The following ACOT7 variants were observed in gnomAD, a reference collection of about 807,000 sequenced individuals.
ACOT7 encodes the protein acyl-CoA thioesterase 7.
A neutral mutation model predicts 40.2 loss-of-function variants in ACOT7; 12 were observed. That is an observed-to-expected ratio of 0.30 (90% confidence interval 0.19 to 0.48). The LOEUF is 0.48. Among genes scored for constraint, ACOT7 ranks in the 20% least tolerant of loss-of-function variants. ACOT7 has a pLI of 0.99. For synonymous variants in ACOT7, 228 were observed against 219.5 expected (o/e 1.04, Z -0.34); for missense variants, 395 against 530.8 (o/e 0.74, Z 2.51).
Position 6,359,051 on chromosome 1 carries a change from T to A in ACOT7, c.144-9185A>T. 5.9e-6 allele frequency: 4 copies of A among 676,476 alleles called. No homozygotes were observed. Among genetic ancestry groups the A allele is most frequent in the Non-Finnish European group, 9.3e-6 (4 of 429,044 alleles). 41.9% of individuals were successfully genotyped at this position (676,476 alleles called of 1,614,324 possible). The stretch of plus-strand genomic sequence containing the variant: ...ATCCAGAGCGTCTACCAGAAACCGG[T>A]CGTCATGGAAACCTTGCTTTATAAA... On this transcript the variant is annotated intron_variant, in intron 1 of 8. Coordinates refer to ENST00000361521, the MANE Select transcript of ACOT7 (RefSeq NM_007274.4). The surrounding 1 kb of genome is among the most constrained non-coding windows in gnomAD (Gnocchi z 4.1).
chr1:6,275,862 C>G lies in ACOT7; in HGVS notation c.1014+5240G>C, dbSNP rs1424162448. On this transcript the variant is annotated intron_variant, in intron 8 of 8. Coordinates refer to ENST00000361521, the MANE Select transcript of ACOT7 (RefSeq NM_007274.4). This position sits in a 1 kb window ranked among gnomAD's most constrained non-coding sequence, Gnocchi z 5.6. ...TCGGGAGATGTGTGTTCATGAGCAC[C>G]AGAGAGACCCTCTGGGATGGGCTCC... 6.6e-6 allele frequency among the ~76,000 whole-genome samples: 1 copy of G among 152,138 alleles called. No individual in the cohort carries two copies. Among genetic ancestry groups the G allele is most frequent in the African/African-American group, 2.4e-5 (1 of 41,422 alleles).
chr1:6,377,748 A>T (rs1347922546), intron 1 of ACOT7, among the ~76,000 whole-genome samples: 1 of 152,188 alleles, frequency 6.6e-6, no homozygotes, highest in Non-Finnish European at 1.5e-5. Context: ...AACAGCAAAG[A>T]AACACACAAA....
At chr1:6,389,000 C>CA (rs1172305348) in intron 1 of ACOT7, among the ~76,000 whole-genome samples, 1 of 150,940 alleles carries the variant, frequency 6.6e-6, no homozygotes, top group African/African-American at 2.4e-5. Context: ...GAGATCGCGC[C>CA]ACTGCACTCC....
At chr1:6,351,270 G>T (rs1485362911) in intron 1 of ACOT7, among the ~76,000 whole-genome samples, 6 of 152,224 alleles carry the variant, frequency 3.9e-5, no homozygotes, top group African/African-American at 1.4e-4. Flanking sequence ...CAGGGCCCAA[G>T]GTTCCGTGGG....
chr1:6,351,628 G>C (rs1407510680), intron 1 of ACOT7, among the ~76,000 whole-genome samples: 2 of 152,174 alleles, frequency 1.3e-5, no homozygotes, highest in Non-Finnish European at 2.9e-5. Context: ...GGAGAGCAGG[G>C]CCCAGCTCCT....
At chr1:6,283,011 G>C (rs1428932439) in intron 7 of ACOT7, 2 of 432,848 alleles carry the variant, frequency 4.6e-6, no homozygotes, top group East Asian at 7.2e-5. Context: ...AGGCCAAAAA[G>C]CAGGAACAAG....
At chr1:6,378,748 G>A (rs1448973818) in intron 1 of ACOT7, among the ~76,000 whole-genome samples, 1 of 151,934 alleles carries the variant, frequency 6.6e-6, no homozygotes, top group African/African-American at 2.4e-5. Context: ...GAACATTTAG[G>A]GGGAGGAGGA....
intron 8 of ACOT7, among the ~76,000 whole-genome samples, chr1:6,267,909 C>T (rs1276225341): frequency 6.6e-6 from 1 of 152,206 alleles, no homozygotes; most frequent in African/African-American, 2.4e-5. Context: ...CCAATGTCCA[C>T]CTCACAGCAG....
At chr1:6,339,645 C>T (rs1641207302) in intron 2 of ACOT7, 56 bp from the exon 3 acceptor site, 1 of 1,584,782 alleles carries the variant, frequency 6.3e-7, no homozygotes, top group Non-Finnish European at 8.6e-7. Context: ...CCCGAGAGCC[C>T]CACCCAGGAC....
At position 6,306,517 on chromosome 1, in the gene ACOT7, G is replaced by T; in HGVS notation, c.713-11537C>A. On this transcript the variant is annotated intron_variant, in intron 6 of 8. Transcript: ENST00000361521. This position sits in a 1 kb window ranked among gnomAD's most constrained non-coding sequence, Gnocchi z 4.3. Reference sequence around the variant, plus strand: ...CCCCACGTCCCGCTCCCCCGCTGAAGCATCAGGATGGACGTGAAGCTGTTC... The same window carrying T: ...CCCCACGTCCCGCTCCCCCGCTGAATCATCAGGATGGACGTGAAGCTGTTC... 3.0e-6 allele frequency: 3 copies of T among 985,420 alleles called. No homozygotes were observed. The highest frequency in any genetic ancestry group is 3.6e-6 in the Non-Finnish European group (3 of 829,928). 61.0% of individuals were successfully genotyped at this position (985,420 alleles called of 1,614,324 possible).
intron 7 of ACOT7, among the ~76,000 whole-genome samples, chr1:6,284,935 T>C (rs1395003307): frequency 6.6e-6 from 1 of 152,096 alleles, no homozygotes; most frequent in Non-Finnish European, 1.5e-5. Context: ...AAGCATCCCT[T>C]CTCCAGAGAG....
intron 1 of ACOT7, among the ~76,000 whole-genome samples, chr1:6,388,613 C>T (rs1329344276): frequency 6.7e-6 from 1 of 149,156 alleles, no homozygotes; most frequent in Admixed American, 6.7e-5. Flanking sequence ...GTGGTGGGTG[C>T]CTGTAGTCCC....
At chr1:6,346,698 C>T (rs2148452282) in intron 2 of ACOT7, among the ~76,000 whole-genome samples, 1 of 152,362 alleles carries the variant, frequency 6.6e-6, no homozygotes, top group East Asian at 1.9e-4. Context: ...GCAGCAGGGA[C>T]CAGCAGGGTG....
chr1:6,306,192 A>C lies in ACOT7; in HGVS notation c.713-11212T>G. 1.1e-6 allele frequency: 1 copy of C among 902,164 alleles called. No homozygotes were observed. The highest frequency in any genetic ancestry group is 1.3e-6 in the Non-Finnish European group (1 of 776,944). The allele number at this position is 902,164 out of a possible 1,614,324, so 55.9% of individuals were successfully genotyped here. A position where few individuals can be genotyped will look rare whatever the true frequency, so the allele number is the denominator to read the frequency against. The stretch of plus-strand genomic sequence containing the variant: ...AGGGAGACCGTGGCAAGAGAGGGAG[A>C]GGGAGACCGTGGGGAGAGGGGGAGG... On this transcript the variant is annotated intron_variant, in intron 6 of 8. Transcript: ENST00000361521. This position sits in a 1 kb window ranked among gnomAD's most constrained non-coding sequence, Gnocchi z 4.3.
intron 3 of ACOT7, among the ~76,000 whole-genome samples, chr1:6,337,402 CCAT>C (rs1294429926): frequency 6.6e-6 from 1 of 152,250 alleles, no homozygotes; most frequent in Admixed American, 6.5e-5. Context: ...CATCAAAACC[CCAT>C]CAGCCAGCAT....
chr1:6,333,024 G>A (rs1641003982), intron 4 of ACOT7, among the ~76,000 whole-genome samples: 1 of 152,158 alleles, frequency 6.6e-6, no homozygotes, highest in Non-Finnish European at 1.5e-5. Context: ...GCTTGCAGGG[G>A]CCACGGGGGA....
At position 6,338,777 on chromosome 1, in the gene ACOT7, A is replaced by AG. The variant is rs769611351; in HGVS notation, c.418+655dup. Among the ~76,000 whole-genome samples the AG allele has an allele frequency of 2.6e-4, 40 of 152,194 alleles. No homozygotes were observed. In the Middle Eastern group the frequency reaches 0.02, roughly 78 times the overall value. ...CCTGGGAGGTGGCAGGGAGAGGACC[A>AG]GGGGCAGGGGAAGAGGCCCGCCTTC... On this transcript the variant is annotated intron_variant, in intron 3 of 8. Transcript: ENST00000361521. This position sits in a 1 kb window ranked among gnomAD's most constrained non-coding sequence, Gnocchi z 4.4.
At chr1:6,331,573 C>T (rs1388306250) in intron 4 of ACOT7, among the ~76,000 whole-genome samples, 1 of 152,188 alleles carries the variant, frequency 6.6e-6, no homozygotes, top group Non-Finnish European at 1.5e-5. Flanking sequence ...TCACAGCAGC[C>T]CCGGGACACT....
At chr1:6,328,307 G>A (rs950768060) in intron 4 of ACOT7, among the ~76,000 whole-genome samples, 3 of 152,186 alleles carry the variant, frequency 2.0e-5, no homozygotes, top group Middle Eastern at 3.4e-3. Context: ...GTCCTCCCAC[G>A]GCTCTCCAAA....
Sources: gnomAD v4.1 joint callset for allele counts (sites outside exome capture counted in the v4.1 genomes callset) on GRCh38, gnomAD v4.1.1 for gene constraint, Gnocchi (gnomAD v3.1) non-coding constraint, MANE v1.5 for transcripts, NCBI Gene and HGNC (gene_info 2026-07-23, HGNC 2026-07-21) for gene names.